BEND6: variants seen among roughly 807,000 people sequenced by gnomAD.
BEND6 encodes the protein BEN domain-containing protein 6.
BEND6 carries 24 observed loss-of-function variants against 31.8 expected under a neutral mutation model. The observed-to-expected ratio is 0.75, with a 90% CI of 0.55 to 1.06. The LOEUF (loss-of-function observed/expected upper bound fraction) is 1.06. Among genes scored for constraint, BEND6 ranks in the 50% least tolerant of loss-of-function variants. The probability of loss-of-function intolerance (pLI) is 0.00; values close to 1 mark genes in which losing one functional copy is unlikely to be tolerated. For missense variants in BEND6, 294 were observed against 327.4 expected, an observed-to-expected ratio of 0.90 and a Z score of 0.79; for synonymous variants, 109 against 114.6, an observed-to-expected ratio of 0.95 and a Z score of 0.31.
At chr6:57,023,931 T>A (rs1827827541) in intron 6 of BEND6, among the ~76,000 whole-genome samples, 1 of 152,236 alleles carries the variant, frequency 6.6e-6, no homozygotes, top group African/African-American at 2.4e-5. Flanking sequence ...GGTAATATGT[T>A]GTAATTTGTT....
At chr6:57,000,212 A>G (rs1369496402) in intron 3 of BEND6, among the ~76,000 whole-genome samples, 1 of 152,218 alleles carries the variant, frequency 6.6e-6, no homozygotes, top group Non-Finnish European at 1.5e-5. Context: ...AGAAAGAAGT[A>G]GACATAAGAG....
chr6:56,968,312 C>CTTTTTTTTTTTTT (rs779756084), intron 1 of BEND6, among the ~76,000 whole-genome samples: 11 of 65,980 alleles, frequency 1.7e-4, no homozygotes, highest in East Asian at 1.1e-3. Context: ...TCTTTCTTTT[C>CTTTTTTTTTTTTT]TTTTTTTTTT....
chr6:57,010,855 TTA>T (rs1827319305), intron 3 of BEND6: 1 of 713,026 alleles, frequency 1.4e-6, no homozygotes, highest in Non-Finnish European at 1.7e-6. Flanking sequence ...AAAATTTAAA[TTA>T]TGTGTGTTTA....
chr6:57,015,248 C>G lies in BEND6; in HGVS notation c.414C>G (p.Asn138Lys), dbSNP rs1346763315. 6.2e-7 allele frequency: 1 copy of G among 1,614,170 alleles called. No homozygotes were observed. The highest frequency in any genetic ancestry group is 8.5e-7 in the Non-Finnish European group (1 of 1,180,016). Residue 138 changes from asparagine to lysine, a missense_variant, in exon 4 of 7, where the codon AAC becomes AAG. By Grantham distance (94) the Asn-to-Lys change is moderately conservative. Transcript: ENST00000370746. ...SASTLWRATN[N>K]SSPDSFASTC... ...CCACCCTCTGGAGAGCAACAAACAACTCCTCGCCAGATTCATTTGCCTCAA... is the reference window on the plus strand; with the variant it reads ...CCACCCTCTGGAGAGCAACAAACAAGTCCTCGCCAGATTCATTTGCCTCAA...
intron 3 of BEND6, among the ~76,000 whole-genome samples, chr6:56,995,261 G>C (rs559298989): frequency 8.0e-5 from 12 of 149,212 alleles, no homozygotes; most frequent in Non-Finnish European, 1.6e-4. Flanking sequence ...CAGACCATTT[G>C]CTTCTCTACC....
At chr6:56,970,233 C>T (rs1825645217) in intron 1 of BEND6, among the ~76,000 whole-genome samples, 2 of 151,988 alleles carry the variant, frequency 1.3e-5, no homozygotes. Context: ...CTCACTCTGT[C>T]ACCCAGGCTG....
chr6:56,995,948 T>C (rs928418119), intron 3 of BEND6, among the ~76,000 whole-genome samples: 82 of 152,190 alleles, frequency 5.4e-4, no homozygotes, highest in Admixed American at 1.3e-4. Flanking sequence ...TCTCCATCCT[T>C]GAAAAAGGTC....
intron 1 of BEND6, 49 bp from the exon 2 acceptor site, chr6:56,981,662 A>C: frequency 1.3e-6 from 1 of 783,678 alleles, no homozygotes; most frequent in East Asian, 2.9e-5. Flanking sequence ...ATTATGAAAC[A>C]TACAGTTGTG....
chr6:56,977,221 G>A (rs1825907179), intron 1 of BEND6, among the ~76,000 whole-genome samples: 1 of 152,198 alleles, frequency 6.6e-6, no homozygotes, highest in South Asian at 2.1e-4. Context: ...GGGACATTGA[G>A]AGTGGCACAA....
chr6:56,998,184 T>A (rs116427403), intron 3 of BEND6, among the ~76,000 whole-genome samples: 75 of 152,304 alleles, frequency 4.9e-4, no homozygotes, highest in Non-Finnish European at 8.5e-4. Context: ...ACTAGGAAGA[T>A]AACAGAAAGT....
intron 2 of BEND6, among the ~76,000 whole-genome samples, chr6:56,985,160 C>G (rs916790930): frequency 6.6e-6 from 1 of 152,178 alleles, no homozygotes; most frequent in African/African-American, 2.4e-5. Flanking sequence ...CAATGGCTAT[C>G]CAGCATGCCA....
At chr6:57,007,174 A>G (rs1827188241) in intron 3 of BEND6, among the ~76,000 whole-genome samples, 1 of 151,956 alleles carries the variant, frequency 6.6e-6, no homozygotes, top group African/African-American at 2.4e-5. Flanking sequence ...CTGTGGTCTC[A>G]ACTACTCAGG....
At chr6:57,011,446 T>G (rs1164958505) in intron 3 of BEND6, among the ~76,000 whole-genome samples, 2 of 151,774 alleles carry the variant, frequency 1.3e-5, no homozygotes, top group African/African-American at 4.8e-5. Context: ...TAAAGAAAAA[T>G]TGGGCCTAGC....
intron 6 of BEND6, among the ~76,000 whole-genome samples, chr6:57,024,141 T>C (rs1030677043): frequency 1.3e-5 from 2 of 152,248 alleles, no homozygotes; most frequent in African/African-American, 2.4e-5. Flanking sequence ...TGTTGTCTCA[T>C]TGACATGTTT....
At chr6:56,965,225 A>G (rs1825429958) in intron 1 of BEND6, among the ~76,000 whole-genome samples, 1 of 152,208 alleles carries the variant, frequency 6.6e-6, no homozygotes, top group Non-Finnish European at 1.5e-5. Context: ...AGGTGGTAAG[A>G]AAAAATATCA....
chr6:56,996,326 G>A (rs756303699), intron 3 of BEND6, among the ~76,000 whole-genome samples: 7 of 151,970 alleles, frequency 4.6e-5, no homozygotes, highest in Non-Finnish European at 8.8e-5. Context: ...GCGTGCCTAT[G>A]GTCCCAGCTA....
intron 3 of BEND6, among the ~76,000 whole-genome samples, chr6:56,997,592 C>T (rs574355651): frequency 5.3e-5 from 8 of 152,276 alleles, no homozygotes; most frequent in African/African-American, 1.7e-4. Context: ...CTCACTCTGT[C>T]GCCCAGACTG....
chr6:56,965,754 CTCA>C (rs1825456897), intron 1 of BEND6, among the ~76,000 whole-genome samples: 1 of 149,860 alleles, frequency 6.7e-6, no homozygotes, highest in African/African-American at 2.4e-5. Context: ...AAGAAATGAT[CTCA>C]TCTTTTCATA....
intron 2 of BEND6, among the ~76,000 whole-genome samples, chr6:56,991,382 A>G (rs767134437): frequency 5.3e-5 from 8 of 150,112 alleles, no homozygotes; most frequent in Non-Finnish European, 1.0e-4. Context: ...TTTAATTTTT[A>G]CGTTGTTTTT....
Sources: allele counts gnomAD v4.1 joint callset (sites outside exome capture counted in the v4.1 genomes callset), GRCh38; gene constraint gnomAD v4.1.1; transcripts MANE v1.5; gene names NCBI Gene and HGNC (gene_info 2026-07-23, HGNC 2026-07-21).